Variants in HIVEP3 observed in about 807,000 individuals in gnomAD.
The protein encoded by HIVEP3 is HIVEP zinc finger 3, also known as transcription factor HIVEP3.
A neutral mutation model predicts 152.8 loss-of-function variants in HIVEP3; 49 were observed. That is an observed-to-expected ratio of 0.32 (90% CI 0.26 to 0.41). The LOEUF (loss-of-function observed/expected upper bound fraction) is 0.41. Ranked by LOEUF, HIVEP3 falls within the 10% of genes least tolerant of loss-of-function variation. The pLI, the probability that HIVEP3 is intolerant of heterozygous loss-of-function variation, is 1.00. For synonymous variants in HIVEP3, 1,269 were observed against 1,289.0 expected (o/e 0.98, Z 0.33); for missense variants, 2,790 against 3,103.3 (o/e 0.90, Z 2.40).
At chr1:41,560,408 G>A (rs57379984) in intron 5 of HIVEP3, among the ~76,000 whole-genome samples, 16,675 of 152,164 alleles carry the variant, frequency 0.11, 1,619 homozygotes, top group East Asian at 0.46. Context: ...TGGCAACGGG[G>A]TTGGGGGCAG....
At chr1:41,895,498 T>C (rs1233738162) in intron 1 of HIVEP3, among the ~76,000 whole-genome samples, 1 of 152,224 alleles carries the variant, frequency 6.6e-6, no homozygotes, top group Non-Finnish European at 1.5e-5. Flanking sequence ...GACCAGACTG[T>C]TGGCAACCCA....
At chr1:41,525,159 T>C (rs1243776696) in intron 5 of HIVEP3, among the ~76,000 whole-genome samples, 4 of 152,256 alleles carry the variant, frequency 2.6e-5, no homozygotes, top group Non-Finnish European at 5.9e-5. Context: ...CAGCAGACAC[T>C]GGCGCTTCCC....
At chr1:42,017,068 G>A (rs1645527233) in intron 1 of HIVEP3, among the ~76,000 whole-genome samples, 1 of 151,854 alleles carries the variant, frequency 6.6e-6, no homozygotes, top group Admixed American at 6.6e-5. Context: ...ATGTCTGATG[G>A]TCTGACTGGC....
At chr1:41,566,437 C>A (rs982046207) in intron 5 of HIVEP3, among the ~76,000 whole-genome samples, 1 of 152,200 alleles carries the variant, frequency 6.6e-6, no homozygotes, top group African/African-American at 2.4e-5. Context: ...GCATCATCAC[C>A]TGCCCCTTGC....
intron 5 of HIVEP3, among the ~76,000 whole-genome samples, chr1:41,555,593 C>A (rs549292854): frequency 1.4e-4 from 22 of 152,336 alleles, no homozygotes; most frequent in African/African-American, 5.1e-4. Context: ...ACGCTGGGAG[C>A]TGCAGACCAC....
intron 1 of HIVEP3, among the ~76,000 whole-genome samples, chr1:41,709,205 G>A (rs1453110043): frequency 6.6e-6 from 1 of 152,192 alleles, no homozygotes; most frequent in African/African-American, 2.4e-5. Flanking sequence ...TTTCTGGGCT[G>A]TACGTTTTTC....
At chr1:41,731,235 C>T (rs941910571) in intron 1 of HIVEP3, among the ~76,000 whole-genome samples, 59 of 152,096 alleles carry the variant, frequency 3.9e-4, no homozygotes, top group African/African-American at 1.4e-3. Context: ...GGTTCTAATA[C>T]TGAGGATTCT....
chr1:41,642,458 A>C (rs934698510), intron 2 of HIVEP3, among the ~76,000 whole-genome samples: 1 of 152,124 alleles, frequency 6.6e-6, no homozygotes, highest in Non-Finnish European at 1.5e-5. Context: ...CCCACCTCAT[A>C]GGCCTCCTCC....
chr1:41,628,475 C>G (rs957417880), intron 3 of HIVEP3, among the ~76,000 whole-genome samples: 7 of 152,092 alleles, frequency 4.6e-5, no homozygotes, highest in African/African-American at 1.7e-4. Flanking sequence ...TTTGCCAGGA[C>G]AGAATGGAAA....
At chr1:41,851,056 T>C (rs760156073) in intron 1 of HIVEP3, among the ~76,000 whole-genome samples, 7 of 152,180 alleles carry the variant, frequency 4.6e-5, no homozygotes, top group Admixed American at 6.5e-5. Context: ...CAGCCTTCTC[T>C]ACACTCCTTA....
Position 41,581,897 on chromosome 1 carries a change from G to T in HIVEP3, c.2901C>A (p.Arg967=), listed in dbSNP as rs1558083963. 1 of 1,613,856 alleles carries T rather than the reference G, an allele frequency of 6.2e-7. No individual in the cohort carries two copies. The highest frequency in any genetic ancestry group is 2.2e-5 in the East Asian group (1 of 44,880). ...ACATGTGGGTGCCCAGGGGTTTGGG[G>T]CGCATGTCAGATGAGGGACTGGGGG... The part of the protein sequence containing the change: ...AEAPSPSSDM[R]PKPLGTHMLT... Residue 967 remains arginine, a synonymous_variant, in exon 4 of 9, where the codon CGC becomes CGA. Coordinates refer to ENST00000372583, the MANE Select transcript of HIVEP3 (RefSeq NM_024503.5). The surrounding 1 kb of genome is among the most constrained non-coding windows in gnomAD (Gnocchi z 4.5).
At chr1:41,576,500 T>C (rs1644329910) in intron 4 of HIVEP3, among the ~76,000 whole-genome samples, 1 of 152,194 alleles carries the variant, frequency 6.6e-6, no homozygotes, top group South Asian at 2.1e-4. Context: ...CACTTTTGCC[T>C]AGGGAGCAGA....
At chr1:41,993,289 A>C (rs1266423197) in intron 1 of HIVEP3, among the ~76,000 whole-genome samples, 59 of 151,650 alleles carry the variant, frequency 3.9e-4, no homozygotes, top group Admixed American at 1.2e-3. Flanking sequence ...CAATGAACTC[A>C]AACAAATTTA....
In HIVEP3 at chr1:41,582,927, T is replaced by C. The variant is rs1363150620; in HGVS notation, c.1871A>G (p.Lys624Arg). The change falls in exon 4 of 9, where the codon AAG becomes AGG. Residue 624 changes from lysine (K) to arginine (R), a missense_variant. This residue lies in a region of HIVEP3 where 339 missense variants were observed against 327.0 expected (regional missense o/e 1.04). Coordinates refer to ENST00000372583, the MANE Select transcript of HIVEP3 (RefSeq NM_024503.5). This position sits in a 1 kb window ranked among gnomAD's most constrained non-coding sequence, Gnocchi z 4.7. The part of the protein sequence containing the change: ...ASKPSDEVEP[K>R]ESELTKKTKK... ...GGTCTTTTTGGTAAGCTCGCTTTCC[T>C]TGGGTTCCACTTCGTCCGAGGGCTT... 5 of 1,614,010 alleles carry C rather than the reference T, an allele frequency of 3.1e-6. No individual in the cohort carries two copies. The highest frequency in any genetic ancestry group is 1.7e-5 in the Admixed American group (1 of 60,004).
At chr1:41,555,697 A>T (rs919113551) in intron 5 of HIVEP3, among the ~76,000 whole-genome samples, 3 of 152,192 alleles carry the variant, frequency 2.0e-5, no homozygotes, top group African/African-American at 4.8e-5. Flanking sequence ...TTGTGCAACC[A>T]TTACCACCAT....
chr1:41,640,281 G>C (rs1485877171), intron 2 of HIVEP3, among the ~76,000 whole-genome samples: 1 of 151,778 alleles, frequency 6.6e-6, no homozygotes, highest in Non-Finnish European at 1.5e-5. Context: ...CGGGGGTTGG[G>C]GGGCGGGGGA....
chr1:41,585,170 G>C lies in HIVEP3; in HGVS notation c.-373C>G, dbSNP rs916851884. ...CGAGTCCCCCGTGTGCTATGCAAACGGTTGAAGGTTGGAGACATCTGTGTC... is the reference window on the plus strand; with the variant it reads ...CGAGTCCCCCGTGTGCTATGCAAACCGTTGAAGGTTGGAGACATCTGTGTC... On this transcript the variant is annotated 5_prime_UTR_variant, in exon 4 of 9. Transcript: ENST00000372583. 1 of 397,802 alleles carries C rather than the reference G, an allele frequency of 2.5e-6. No individual in the cohort carries two copies. Among genetic ancestry groups the C allele is most frequent in the African/African-American group, 2.1e-5 (1 of 47,358 alleles). The allele number at this position is 397,802 out of a possible 1,614,324, so 24.6% of individuals were successfully genotyped here.
At chr1:41,552,573 T>C (rs1259016405) in intron 5 of HIVEP3, among the ~76,000 whole-genome samples, 3 of 145,482 alleles carry the variant, frequency 2.1e-5, no homozygotes, top group African/African-American at 7.7e-5. Flanking sequence ...CTGCATAGTA[T>C]TCCATAGTGT....
chr1:41,558,636 T>C (rs939959584), intron 5 of HIVEP3, among the ~76,000 whole-genome samples: 1 of 152,206 alleles, frequency 6.6e-6, no homozygotes, highest in Non-Finnish European at 1.5e-5. Context: ...TCAGGCTGAA[T>C]AATGCTCACA....
Sources: allele counts gnomAD v4.1 joint callset (sites outside exome capture counted in the v4.1 genomes callset), GRCh38; gene constraint gnomAD v4.1.1; regional missense constraint gnomAD v4.1.1; non-coding constraint Gnocchi (gnomAD v3.1); transcripts MANE v1.5; gene names NCBI Gene and HGNC (gene_info 2026-07-23, HGNC 2026-07-21).